Variants in PNLDC1 observed in about 807,000 individuals in gnomAD.
The protein encoded by PNLDC1 is PARN like ribonuclease domain containing exonuclease 1.
Under a neutral mutation model 82.0 loss-of-function variants are expected in PNLDC1, and 70 were observed. That is an observed-to-expected ratio of 0.85 (90% CI 0.70 to 1.04). PNLDC1 has a LOEUF of 1.04. Among genes scored for constraint, PNLDC1 ranks in the 50% least tolerant of loss-of-function variants. The pLI, the probability that PNLDC1 is intolerant of heterozygous loss-of-function variation, is 0.00. For missense variants in PNLDC1, 631 were observed against 661.1 expected (o/e 0.95, Z 0.50); for synonymous variants, 280 against 249.3 (o/e 1.12, Z -1.16).
At chr6:159,808,298 A>G (rs9456451) in intron 7 of PNLDC1, among the ~76,000 whole-genome samples, 118,530 of 152,214 alleles carry the variant, frequency 0.78, 46,436 homozygotes, top group South Asian at 0.85. Context: ...CCAGCCAAAT[A>G]TTAGAGATTT....
At position 159,819,305 on chromosome 6, in the gene PNLDC1, C is replaced by G; in HGVS notation, c.1485C>G (p.Ser495=). Reference sequence around the variant, plus strand: ...GGGACCACCCGACCCTGTGCATCTCCCTGTACCGCTACTGGAGGCACTCCC... The same window carrying G: ...GGGACCACCCGACCCTGTGCATCTCGCTGTACCGCTACTGGAGGCACTCCC... ...EYRDHPTLCI[S]LYRYWRHSPN... Residue 495 remains serine, a synonymous_variant, in exon 18 of 19, where the codon TCC becomes TCG. Transcript: ENST00000392167. This position sits in a 1 kb window ranked among gnomAD's most constrained non-coding sequence, Gnocchi z 4.6. The G allele has an allele frequency of 6.2e-7, 1 of 1,613,988 alleles. No individual in the cohort carries two copies. The highest frequency in any genetic ancestry group is 8.5e-7 in the Non-Finnish European group (1 of 1,180,032).
At chr6:159,807,112 C>T (rs1199517510) in intron 7 of PNLDC1, among the ~76,000 whole-genome samples, 1 of 152,130 alleles carries the variant, frequency 6.6e-6, no homozygotes, top group Admixed American at 6.6e-5. Flanking sequence ...AGGTTAGTCT[C>T]AAACTCTTGA....
rs373356887 is a variant in PNLDC1 at position 159,808,832 on chromosome 6, G to A, written c.639+16G>A. ...AGATGAGGGGGTGAGTTCTCACTGC[G>A]AACGGGGCATCAGTGGCTCCATTGT... On this transcript the variant is annotated intron_variant, in intron 8 of 18. Transcript: ENST00000392167. 49 of 1,613,158 alleles carry A rather than the reference G, an allele frequency of 3.0e-5. 2 individuals are homozygous for A. Among genetic ancestry groups the A allele is most frequent in the East Asian group, 2.0e-4 (9 of 44,894 alleles).
Position 159,817,107 on chromosome 6 carries a change from A to T in PNLDC1, c.1115-2A>T. ...TGCATTTCTGTCTTTTTTCCTTCCT[A>T]GTTCTTTTGAAAGTGGCACACTTGC... On this transcript the variant is annotated splice_acceptor_variant, in intron 14 of 18. Transcript: ENST00000392167. LOFTEE classifies it high-confidence loss of function. 1 of 1,611,480 alleles carries T rather than the reference A, an allele frequency of 6.2e-7. No individual in the cohort carries two copies. The highest frequency in any genetic ancestry group is 8.5e-7 in the Non-Finnish European group (1 of 1,177,882).
chr6:159,805,846 G>A lies in PNLDC1; in HGVS notation c.462-137G>A, dbSNP rs181638164. Reference sequence around the variant, plus strand: ...GCATAAGAGCCTCAGAGAAGAAATCGTCTTCTTTTGGTACATTTTCTTTGT... The same window carrying A: ...GCATAAGAGCCTCAGAGAAGAAATCATCTTCTTTTGGTACATTTTCTTTGT... On this transcript the variant is annotated intron_variant, in intron 6 of 18. Coordinates refer to ENST00000392167, the MANE Select transcript of PNLDC1 (RefSeq NM_001271862.2). The A allele has an allele frequency of 7.9e-4, 523 of 660,948 alleles. 1 individual carries two copies. In the African/African-American group the frequency reaches 8.1e-3, roughly 10 times the overall value. The allele number at this position is 660,948 out of a possible 1,614,324, so 40.9% of individuals were successfully genotyped here.
In PNLDC1 at chr6:159,808,817, G is replaced by T; in HGVS notation, c.639+1G>T. 1 of 1,613,958 alleles carries T rather than the reference G, an allele frequency of 6.2e-7. No individual in the cohort carries two copies. Among genetic ancestry groups the T allele is most frequent in the Non-Finnish European group, 8.5e-7 (1 of 1,179,878 alleles). ...CTGGACGGTGCTGAAAGATGAGGGGGTGAGTTCTCACTGCGAACGGGGCAT... is the reference window on the plus strand; with the variant it reads ...CTGGACGGTGCTGAAAGATGAGGGGTTGAGTTCTCACTGCGAACGGGGCAT... On this transcript the variant is annotated splice_donor_variant, in intron 8 of 18. Coordinates refer to ENST00000392167, the MANE Select transcript of PNLDC1 (RefSeq NM_001271862.2). LOFTEE classifies it high-confidence loss of function.
At chr6:159,800,536 G>GT in intron 1 of PNLDC1, 153 bp downstream of exon 1, 1 of 1,321,572 alleles carries the variant, frequency 7.6e-7, no homozygotes, top group Non-Finnish European at 1.0e-6. Flanking sequence ...CCGGGGCGGT[G>GT]GGACTTTGAG....
chr6:159,809,451 ATTTTT>A (rs71904720), intron 9 of PNLDC1, among the ~76,000 whole-genome samples: 2 of 138,718 alleles, frequency 1.4e-5, no homozygotes, highest in Admixed American at 1.4e-4. Context: ...TACCTGGCTA[ATTTTT>A]TTTTTTTTTT....
chr6:159,803,361 C>T, intron 4 of PNLDC1, 51 bp downstream of exon 4: 1 of 1,542,892 alleles, frequency 6.5e-7, no homozygotes. Context: ...CTATGTTCCA[C>T]AGCTGCCACC....
intron 12 of PNLDC1, among the ~76,000 whole-genome samples, chr6:159,815,390 C>G (rs1463259078): frequency 1.3e-5 from 2 of 152,226 alleles, no homozygotes; most frequent in African/African-American, 4.8e-5. Context: ...GTTGTAGGGG[C>G]TCCTCCCCAC....
At chr6:159,812,813 G>A (rs1408678121) in intron 11 of PNLDC1, among the ~76,000 whole-genome samples, 6 of 152,186 alleles carry the variant, frequency 3.9e-5, no homozygotes, top group Admixed American at 1.3e-4. Flanking sequence ...CTTGAGCCCA[G>A]GAATTTGAGA....
chr6:159,809,917 C>A (rs528957614), intron 9 of PNLDC1, 109 bp from the exon 10 acceptor site: 1 of 881,288 alleles, frequency 1.1e-6, no homozygotes, highest in Non-Finnish European at 1.9e-6. Flanking sequence ...GTCAAGTGAT[C>A]AGAATTGCAG....
intron 7 of PNLDC1, among the ~76,000 whole-genome samples, chr6:159,807,676 G>A (rs1271032210): frequency 6.6e-6 from 1 of 152,130 alleles, no homozygotes; most frequent in South Asian, 2.1e-4. Flanking sequence ...ACTATTGTGC[G>A]CTATCTTATC....
rs770872606 is a variant in PNLDC1 at position 159,820,510 on chromosome 6, GTACCT to G, written c.1590_1594del (p.Thr531SerfsTer25). The G allele has an allele frequency of 5.0e-6, 8 of 1,614,148 alleles. No individual in the cohort carries two copies. The highest frequency in any genetic ancestry group is 8.5e-7 in the Non-Finnish European group (1 of 1,180,038). On this transcript the variant is annotated frameshift_variant and stop_lost, in exon 19 of 19. Transcript: ENST00000392167. LOFTEE classifies it high-confidence loss of function. Reference sequence around the variant, plus strand: ...CTCGCGTTCATCCTTGGAAGATCTGGTACCTGAGTGCAGCGAGGCCTCCTGCGGCC... The same window carrying G: ...CTCGCGTTCATCCTTGGAAGATCTGGGAGTGCAGCGAGGCCTCCTGCGGCC...
At chr6:159,806,988 G>A (rs1453765854) in intron 7 of PNLDC1, among the ~76,000 whole-genome samples, 1 of 151,020 alleles carries the variant, frequency 6.6e-6, no homozygotes, top group African/African-American at 2.4e-5. Flanking sequence ...CGCCTCCCGG[G>A]TTCAAGTGAT....
In PNLDC1 at chr6:159,803,849, C is replaced by T. The variant is rs539235188; in HGVS notation, c.249-116C>T. On this transcript the variant is annotated intron_variant, in intron 4 of 18. Coordinates refer to ENST00000392167, the MANE Select transcript of PNLDC1 (RefSeq NM_001271862.2). ...TAGCTCCTGAAACACAGCAGACACT[C>T]GGGCACACTCAGATTCTTCTTGCCT... 8.1e-4 allele frequency: 944 copies of T among 1,166,610 alleles called. 3 individuals are homozygous for T. The highest frequency in any genetic ancestry group is 1.0e-3 in the Non-Finnish European group (833 of 827,650). The allele number at this position is 1,166,610 out of a possible 1,614,324, so 72.3% of individuals were successfully genotyped here. A position where few individuals can be genotyped will look rare whatever the true frequency, so the allele number is the denominator to read the frequency against.
In PNLDC1 at chr6:159,803,261, A is replaced by C. The variant is rs1781328064; in HGVS notation, c.209-10A>C. 1 of 1,613,964 alleles carries C rather than the reference A, an allele frequency of 6.2e-7. No homozygotes were observed. Among genetic ancestry groups the C allele is most frequent in the East Asian group, 2.2e-5 (1 of 44,872 alleles). The stretch of plus-strand genomic sequence containing the variant: ...CTTGGCATTCATTCCCTCTACGGTC[A>C]TTCTTCCAGGATTGTCTGTGTTTTC... On this transcript the variant is annotated splice_polypyrimidine_tract_variant and intron_variant, in intron 3 of 18. Transcript: ENST00000392167.
chr6:159,806,639 G>A (rs1025149860), intron 7 of PNLDC1, among the ~76,000 whole-genome samples: 12 of 152,164 alleles, frequency 7.9e-5, no homozygotes, highest in African/African-American at 2.7e-4. Context: ...ATCATACCGT[G>A]TTCTTCATTA....
chr6:159,802,201 C>G (rs1333407450), intron 3 of PNLDC1, among the ~76,000 whole-genome samples: 1 of 152,234 alleles, frequency 6.6e-6, no homozygotes, highest in African/African-American at 2.4e-5. Context: ...AATACATGAA[C>G]AAATGAGCAT....
Sources: allele counts gnomAD v4.1 joint callset (sites outside exome capture counted in the v4.1 genomes callset), GRCh38; gene constraint gnomAD v4.1.1; non-coding constraint Gnocchi (gnomAD v3.1); transcripts MANE v1.5; gene names NCBI Gene and HGNC (gene_info 2026-07-23, HGNC 2026-07-21).